KCNMB2: variants seen among roughly 807,000 people sequenced by gnomAD.
KCNMB2 encodes the protein calcium-activated potassium channel subunit beta-2.
A neutral mutation model predicts 24.5 loss-of-function variants in KCNMB2; 9 were observed. The observed-to-expected ratio is 0.37, with a 90% CI of 0.22 to 0.64. The LOEUF (loss-of-function observed/expected upper bound fraction) is 0.64. KCNMB2 is among the 30% of genes least tolerant of loss of function. The pLI, the probability that KCNMB2 is intolerant of heterozygous loss-of-function variation, is 0.63. For synonymous variants in KCNMB2, 109 were observed against 104.4 expected, an observed-to-expected ratio of 1.04 and a Z score of -0.27; for missense variants, 226 against 284.3, an observed-to-expected ratio of 0.79 and a Z score of 1.47.
intron 1 of KCNMB2, among the ~76,000 whole-genome samples, chr3:178,710,065 C>T (rs1320240018): frequency 6.6e-6 from 1 of 152,116 alleles, no homozygotes; most frequent in Non-Finnish European, 1.5e-5. Flanking sequence ...GTGTACCTAT[C>T]CATTCAGATA....
At chr3:178,758,002 GAT>G (rs1240710044) in intron 1 of KCNMB2, among the ~76,000 whole-genome samples, 1 of 1,224 alleles carries the variant, frequency 8.2e-4, no homozygotes, top group Non-Finnish European at 2.9e-3. Flanking sequence ...TATATATCTA[GAT>G]ATATATATAT....
At chr3:178,663,975 G>C (rs915224137) in intron 1 of KCNMB2, among the ~76,000 whole-genome samples, 2 of 152,110 alleles carry the variant, frequency 1.3e-5, no homozygotes, top group African/African-American at 4.8e-5. Context: ...CCTCACAAAA[G>C]AAGAAAAACT....
chr3:178,650,719 G>A (rs376008415), intron 1 of KCNMB2, among the ~76,000 whole-genome samples: 70 of 152,188 alleles, frequency 4.6e-4, no homozygotes, highest in African/African-American at 1.5e-3. Context: ...CCGTGATCAC[G>A]TTGCTTTCAT....
At chr3:178,726,305 A>G (rs1722966440) in intron 1 of KCNMB2, among the ~76,000 whole-genome samples, 2 of 151,920 alleles carry the variant, frequency 1.3e-5, no homozygotes, top group African/African-American at 4.8e-5. Flanking sequence ...TCTACTTTCA[A>G]CCATCAACCA....
intron 1 of KCNMB2, among the ~76,000 whole-genome samples, chr3:178,721,810 C>G (rs929615051): frequency 1.3e-5 from 2 of 152,184 alleles, no homozygotes; most frequent in African/African-American, 4.8e-5. Context: ...GGCTTGAACT[C>G]ACACTTCCCA....
chr3:178,804,865 G>C (rs948372574), intron 1 of KCNMB2, among the ~76,000 whole-genome samples: 3 of 152,158 alleles, frequency 2.0e-5, no homozygotes, highest in African/African-American at 7.2e-5. Context: ...ATAACTTCTT[G>C]AAAGTTTAAG....
intron 4 of KCNMB2, among the ~76,000 whole-genome samples, chr3:178,840,280 G>A (rs1262038456): frequency 1.1e-4 from 17 of 152,208 alleles, no homozygotes; most frequent in Admixed American, 1.1e-3. Context: ...ACCCTGTGGT[G>A]TGGTTCTGCA....
chr3:178,626,366 G>T (rs1194247713), intron 1 of KCNMB2, among the ~76,000 whole-genome samples: 6 of 152,124 alleles, frequency 3.9e-5, no homozygotes, highest in Non-Finnish European at 8.8e-5. Flanking sequence ...AAGTAAAATG[G>T]CTTGCAAAGT....
rs67468527 is a variant in KCNMB2 at position 178,655,095 on chromosome 3, C to CCTCTCTCTCTCTCTCTCT, written c.-68+118415_-68+118432dup. Among the ~76,000 whole-genome samples, 149 of 111,120 alleles carry CCTCTCTCTCTCTCTCTCT rather than the reference C, an allele frequency of 1.3e-3. 7 individuals are homozygous for CCTCTCTCTCTCTCTCTCT. Among genetic ancestry groups the CCTCTCTCTCTCTCTCTCT allele is most frequent in the Non-Finnish European group, 2.1e-3 (114 of 55,606 alleles). The allele number at this position is 111,120 out of a possible 152,430, so 72.9% of individuals were successfully genotyped here. On this transcript the variant is annotated intron_variant, in intron 1 of 4. Transcript: ENST00000452583. The stretch of plus-strand genomic sequence containing the variant: ...TAAAGTTCAGTAAATATTAGCTCTC[C>CCTCTCTCTCTCTCTCTCT]CTCTCTCTCTCTCTCTCTCTCTCTC...
intron 1 of KCNMB2, among the ~76,000 whole-genome samples, chr3:178,696,659 C>A (rs577976805): frequency 6.6e-4 from 101 of 152,178 alleles, no homozygotes; most frequent in African/African-American, 2.2e-3. Flanking sequence ...TTTCTTTGCA[C>A]TTGATTCTCT....
Position 178,547,618 on chromosome 3 carries a change from T to C in KCNMB2, c.-68+10907T>C, listed in dbSNP as rs140460067. 2.7e-3 allele frequency among the ~76,000 whole-genome samples: 418 copies of C among 152,336 alleles called. 1 individual carries two copies. The highest frequency in any genetic ancestry group is 4.4e-3 in the Non-Finnish European group (300 of 68,026). On this transcript the variant is annotated intron_variant, in intron 1 of 4. Transcript: ENST00000452583. ...AAATCCTCTCTTTACTTGACTTGAATTATGTTTAACTATTTAACTTCCCAG... is the reference window on the plus strand; with the variant it reads ...AAATCCTCTCTTTACTTGACTTGAACTATGTTTAACTATTTAACTTCCCAG...
intron 1 of KCNMB2, among the ~76,000 whole-genome samples, chr3:178,757,376 AAGAGGATATATATATATG>A (rs1342383929): frequency 1.2e-4 from 8 of 64,762 alleles, no homozygotes; most frequent in African/African-American, 2.7e-4. Context: ...ATATATATCC[AAGAGGATATATATATATG>A]TATATATATC....
At chr3:178,795,558 T>A (rs1713507229) in intron 1 of KCNMB2, among the ~76,000 whole-genome samples, 2 of 152,124 alleles carry the variant, frequency 1.3e-5, no homozygotes, top group African/African-American at 4.8e-5. Flanking sequence ...CTGAGGGCCC[T>A]CCTCAGGCTT....
intron 1 of KCNMB2, among the ~76,000 whole-genome samples, chr3:178,724,384 T>A (rs35970749): frequency 6.6e-6 from 1 of 152,120 alleles, no homozygotes; most frequent in Non-Finnish European, 1.5e-5. Flanking sequence ...TTTAAATTCC[T>A]TATAGAATCT....
rs188224581 is a variant in KCNMB2 at position 178,627,557 on chromosome 3, A to G, written c.-68+90846A>G. On this transcript the variant is annotated intron_variant, in intron 1 of 4. Transcript: ENST00000452583. Reference sequence around the variant, plus strand: ...TTTCACTTTCATAATAACATTCTATATGAAACAACTTTCCTCAACAAATGT... The same window carrying G: ...TTTCACTTTCATAATAACATTCTATGTGAAACAACTTTCCTCAACAAATGT... 2.3e-4 allele frequency among the ~76,000 whole-genome samples: 35 copies of G among 152,348 alleles called. 2 individuals carry two copies. The East Asian group carries it at 6.6e-3, about 29-fold the overall frequency.
intron 1 of KCNMB2, among the ~76,000 whole-genome samples, chr3:178,751,282 A>G (rs1207901964): frequency 1.3e-5 from 2 of 152,096 alleles, no homozygotes; most frequent in East Asian, 3.9e-4. Flanking sequence ...AAATCCTTCA[A>G]AATTAAAAGC....
intron 1 of KCNMB2, among the ~76,000 whole-genome samples, chr3:178,807,008 A>G (rs1468363653): frequency 6.6e-6 from 1 of 152,256 alleles, no homozygotes; most frequent in Non-Finnish European, 1.5e-5. Flanking sequence ...ACAGCATAGT[A>G]CAGAGTATGA....
At chr3:178,591,567 G>A (rs1717675666) in intron 1 of KCNMB2, among the ~76,000 whole-genome samples, 2 of 152,266 alleles carry the variant, frequency 1.3e-5, no homozygotes, top group South Asian at 2.1e-4. Context: ...GAAGAAGGGG[G>A]TACTCAGCCA....
chr3:178,597,333 C>T (rs768633249), intron 1 of KCNMB2, among the ~76,000 whole-genome samples: 1 of 152,090 alleles, frequency 6.6e-6, no homozygotes, highest in Non-Finnish European at 1.5e-5. Context: ...ATAACCATTA[C>T]ATTAATGTCT....
Sources: allele counts gnomAD v4.1 joint callset (sites outside exome capture counted in the v4.1 genomes callset), GRCh38; gene constraint gnomAD v4.1.1; transcripts MANE v1.5; gene names NCBI Gene and HGNC (gene_info 2026-07-23, HGNC 2026-07-21).